WHAMM: variants seen among roughly 807,000 people sequenced by gnomAD.
WHAMM encodes WASP homolog associated with actin, golgi membranes and microtubules.
Under a neutral mutation model 76.5 loss-of-function variants are expected in WHAMM, and 67 were observed. The ratio of observed to expected loss-of-function variants is 0.88; its 90% CI spans 0.72 to 1.07. WHAMM has a LOEUF of 1.07. WHAMM is among the 50% of genes least tolerant of loss of function. WHAMM has a pLI of 0.00. For missense variants in WHAMM, 1,021 were observed against 1,051.1 expected (o/e 0.97, Z 0.40); for synonymous variants, 419 against 422.1 (o/e 0.99, Z 0.09).
At chr15:82,826,715 T>C in intron 7 of WHAMM, 36 bp from the exon 8 acceptor site, 1 of 1,532,192 alleles carries the variant, frequency 6.5e-7, no homozygotes, top group Non-Finnish European at 8.8e-7. Context: ...TTTGTAATGT[T>C]GAGCAATTTA....
At chr15:82,831,907 A>C (rs75470761) in intron 9 of WHAMM, among the ~76,000 whole-genome samples, 4,614 of 152,336 alleles carry the variant, frequency 0.03, 84 homozygotes, top group Non-Finnish European at 0.046. Flanking sequence ...GTTATGAATG[A>C]TATAGCAGTT....
chr15:82,812,314 C>T lies in WHAMM; in HGVS notation c.610-789C>T, dbSNP rs534760340. 1.6e-4 allele frequency among the ~76,000 whole-genome samples: 25 copies of T among 152,254 alleles called. 1 individual carries two copies. Among genetic ancestry groups the T allele is most frequent in the Admixed American group, 5.2e-4 (8 of 15,296 alleles). On this transcript the variant is annotated intron_variant, in intron 1 of 9. Coordinates refer to ENST00000286760, the MANE Select transcript of WHAMM (RefSeq NM_001080435.3). ...CGCCATCTTGGCTTACTGCAACCTC[C>T]GCCTCCCGGGTTCATGCTATTCTCC...
chr15:82,817,976 A>G lies in WHAMM; in HGVS notation c.991A>G (p.Thr331Ala). ...AKRFGQAAWATAIPRLEKLQL... is the reference protein window; with the variant it reads ...AKRFGQAAWAAAIPRLEKLQL... ...GAGATTTGGTCAGGCTGCCTGGGCC[A>G]CAGCAATTCCCAGGTTGGAAAAACT... The change falls in exon 4 of 10, where the codon ACA (threonine) becomes GCA (alanine). Residue 331 changes from threonine to alanine, a missense_variant. Thr to Ala is a moderately conservative substitution (Grantham distance 58, BLOSUM62 0). Around this residue, in one of 3 missense-constraint regions of WHAMM, gnomAD observed 501 missense variants for 524.9 expected, o/e 0.95. Transcript: ENST00000286760. 6.5e-7 allele frequency: 1 copy of G among 1,548,928 alleles called. No homozygotes were observed. Among genetic ancestry groups the G allele is most frequent in the South Asian group, 1.2e-5 (1 of 83,880 alleles).
Position 82,833,413 on chromosome 15 carries a change from C to T in WHAMM, c.2307C>T (p.Thr769=). ...GCCCAAACCCCAGCAGCAAACCAAC[C>T]AGCAACAGACGCACCAGTGACCTTG... The part of the protein sequence containing the change: ...DLGPNPSSKP[T]SNRRTSDLER... Residue 769 remains threonine, a synonymous_variant, in exon 10 of 10, where the codon ACC becomes ACT. Transcript: ENST00000286760. 6.2e-7 allele frequency: 1 copy of T among 1,614,000 alleles called. No homozygotes were observed. Among genetic ancestry groups the T allele is most frequent in the South Asian group, 1.1e-5 (1 of 91,082 alleles).
intron 2 of WHAMM, among the ~76,000 whole-genome samples, chr15:82,814,068 T>C (rs542470774): frequency 2.0e-5 from 3 of 152,308 alleles, no homozygotes; most frequent in African/African-American, 4.8e-5. Context: ...GGACCCTAGA[T>C]TGTAATTCAG....
chr15:82,815,146 T>TATATATATATATATAA (rs2050704106), intron 2 of WHAMM, among the ~76,000 whole-genome samples: 1 of 40,366 alleles, frequency 2.5e-5, no homozygotes. Context: ...TATATATATA[T>TATATATATATATATAA]ATATATATAG....
intron 8 of WHAMM, 45 bp from the exon 9 acceptor site, chr15:82,830,554 G>A (rs370606263): frequency 5.7e-6 from 9 of 1,586,540 alleles, no homozygotes; most frequent in Non-Finnish European, 3.4e-6. Flanking sequence ...CATTTTGATG[G>A]TTTGCACTTG....
At chr15:82,826,546 C>T (rs771268155) in intron 7 of WHAMM, 50 bp downstream of exon 7, 16 of 1,594,162 alleles carry the variant, frequency 1.0e-5, no homozygotes, top group Middle Eastern at 1.7e-4. Context: ...GCGTGACATG[C>T]AGGCCTAGAC....
Position 82,833,660 on chromosome 15 carries a change from C to T in WHAMM, c.*124C>T, listed in dbSNP as rs991750231. 5.5e-5 allele frequency: 58 copies of T among 1,061,562 alleles called. No homozygotes were observed. In the African/African-American group the frequency reaches 8.8e-4, roughly 16 times the overall value. The allele number at this position is 1,061,562 out of a possible 1,614,324, so 65.8% of individuals were successfully genotyped here. The stretch of plus-strand genomic sequence containing the variant: ...GCCACATAACACCCCGGAAGATCAG[C>T]AGGGCCTTGTGTAGGCTGCTGCAGC... On this transcript the variant is annotated 3_prime_UTR_variant, in exon 10 of 10. Coordinates refer to ENST00000286760, the MANE Select transcript of WHAMM (RefSeq NM_001080435.3).
At position 82,810,197 on chromosome 15, in the gene WHAMM, C is replaced by G; in HGVS notation, c.471C>G (p.Ala157=). 1.4e-6 allele frequency: 2 copies of G among 1,407,216 alleles called. No individual in the cohort carries two copies. The highest frequency in any genetic ancestry group is 2.6e-5 in the Admixed American group (1 of 38,310). The allele number at this position is 1,407,216 out of a possible 1,614,324, so 87.2% of individuals were successfully genotyped here. The change falls in exon 1 of 10, where the codon GCC becomes GCG. Residue 157 remains alanine (A), a synonymous_variant. Transcript: ENST00000286760. The stretch of plus-strand genomic sequence containing the variant: ...TGGAACGCTATCTGGGCGCGGCGGC[C>G]GACGGCTGCGGCGGCGCCACAGTGC... ...GQLERYLGAA[A]DGCGGATVRD...
At chr15:82,815,146 T>TATATATATATATAA (rs2050704106) in intron 2 of WHAMM, among the ~76,000 whole-genome samples, 4 of 40,324 alleles carry the variant, frequency 9.9e-5, no homozygotes, top group Middle Eastern at 0.011. Flanking sequence ...TATATATATA[T>TATATATATATATAA]ATATATATAG....
At chr15:82,820,136 G>A (rs1281425149) in intron 5 of WHAMM, among the ~76,000 whole-genome samples, 2 of 151,908 alleles carry the variant, frequency 1.3e-5, no homozygotes, top group Non-Finnish European at 2.9e-5. Context: ...TATATAACCA[G>A]TTCAGTAACA....
rs553904432 is a variant in WHAMM at position 82,815,457 on chromosome 15, T to C, written c.784-1235T>C. ...ATTCATTGTATGGATATATTACATT[T>C]TATTTATCAGTTGATGGACATTTGG... On this transcript the variant is annotated intron_variant, in intron 2 of 9. Transcript: ENST00000286760. 7.9e-5 allele frequency among the ~76,000 whole-genome samples: 12 copies of C among 152,288 alleles called. No homozygotes were observed. The South Asian group carries it at 2.3e-3, about 29-fold the overall frequency.
At chr15:82,822,997 G>T in intron 5 of WHAMM, 103 bp from the exon 6 acceptor site, 1 of 968,690 alleles carries the variant, frequency 1.0e-6, no homozygotes. Flanking sequence ...GCTTCTCAGT[G>T]GTGGGATTAC....
intron 9 of WHAMM, 150 bp downstream of exon 9, chr15:82,831,229 T>C: frequency 1.4e-6 from 2 of 1,401,256 alleles, no homozygotes; most frequent in South Asian, 1.4e-5. Context: ...TTGAGTATCA[T>C]TATTCTTTTA....
Position 82,819,316 on chromosome 15 carries a change from A to T in WHAMM, c.1105-7A>T. 9.5e-7 allele frequency: 1 copy of T among 1,049,986 alleles called. No individual in the cohort carries two copies. Among genetic ancestry groups the T allele is most frequent in the Non-Finnish European group, 1.3e-6 (1 of 777,706 alleles). 65.0% of individuals were successfully genotyped at this position (1,049,986 alleles called of 1,614,324 possible). On this transcript the variant is annotated splice_polypyrimidine_tract_variant and splice_region_variant and intron_variant, in intron 4 of 9. Coordinates refer to ENST00000286760, the MANE Select transcript of WHAMM (RefSeq NM_001080435.3). ...TAACTTATTTTTCTTTTTTCTATGA[A>T]AATAAGATGGAAGATCTTCCAGAAC...
intron 4 of WHAMM, among the ~76,000 whole-genome samples, chr15:82,819,041 G>A (rs1596280994): frequency 6.6e-6 from 1 of 152,206 alleles, no homozygotes; most frequent in African/African-American, 2.4e-5. Context: ...CACACTGGGA[G>A]TTAGAGTGTC....
intron 5 of WHAMM, 37 bp from the exon 6 acceptor site, chr15:82,823,063 T>A: frequency 8.8e-7 from 1 of 1,133,664 alleles, no homozygotes. Flanking sequence ...TTTAAAATAA[T>A]AAAATATGTT....
chr15:82,828,160 C>G (rs1277984922), intron 8 of WHAMM, among the ~76,000 whole-genome samples: 1 of 152,198 alleles, frequency 6.6e-6, no homozygotes, highest in East Asian at 1.9e-4. Context: ...CACATTCACT[C>G]TCACTTAGTT....
Sources: allele counts gnomAD v4.1 joint callset (sites outside exome capture counted in the v4.1 genomes callset), GRCh38; gene constraint gnomAD v4.1.1; regional missense constraint gnomAD v4.1.1; transcripts MANE v1.5; gene names NCBI Gene and HGNC (gene_info 2026-07-23, HGNC 2026-07-21).